The following SMAD3 variants were observed in gnomAD, a reference collection of about 807,000 sequenced individuals.
SMAD3 encodes SMAD family member 3.
In SMAD3, 12 loss-of-function variants were observed where a neutral mutation model predicts 51.8. That is an observed-to-expected ratio of 0.23 (90% CI 0.15 to 0.38). The LOEUF (loss-of-function observed/expected upper bound fraction) is 0.38. SMAD3 is among the 10% of genes least tolerant of loss of function. SMAD3 has a pLI of 1.00. For synonymous variants in SMAD3, 238 were observed against 227.7 expected, an observed-to-expected ratio of 1.05 and a Z score of -0.41; for missense variants, 294 against 565.6, an observed-to-expected ratio of 0.52 and a Z score of 4.87.
At chr15:67,130,023 C>T (rs901800900) in intron 1 of SMAD3, among the ~76,000 whole-genome samples, 4 of 152,178 alleles carry the variant, frequency 2.6e-5, no homozygotes, top group African/African-American at 4.8e-5. Context: ...AGTGAGGAGC[C>T]GGGTGGGACC....
intron 1 of SMAD3, among the ~76,000 whole-genome samples, chr15:67,089,058 C>G (rs1386536002): frequency 6.6e-6 from 1 of 152,106 alleles, no homozygotes; most frequent in East Asian, 1.9e-4. Flanking sequence ...CCACACAGTT[C>G]CAGGGAGACC....
At chr15:67,069,873 T>G (rs1031383782) in intron 1 of SMAD3, among the ~76,000 whole-genome samples, 7 of 152,020 alleles carry the variant, frequency 4.6e-5, no homozygotes, top group African/African-American at 1.4e-4. Flanking sequence ...GCCCAGCTAA[T>G]TTTTGTATTT....
intron 1 of SMAD3, among the ~76,000 whole-genome samples, chr15:67,073,854 A>G (rs1157253660): frequency 6.6e-6 from 1 of 152,058 alleles, no homozygotes; most frequent in Admixed American, 6.5e-5. Flanking sequence ...TTGTATTTTT[A>G]TCAGAGACCA....
chr15:67,181,895 C>T (rs1282631405), intron 6 of SMAD3, among the ~76,000 whole-genome samples: 1 of 151,846 alleles, frequency 6.6e-6, no homozygotes. Flanking sequence ...AAGCGATTCT[C>T]CTGCCTCAGC....
At chr15:67,122,122 A>G (rs1197114429) in intron 1 of SMAD3, among the ~76,000 whole-genome samples, 3 of 152,250 alleles carry the variant, frequency 2.0e-5, no homozygotes, top group Non-Finnish European at 4.4e-5. Flanking sequence ...TAAGGTCCGG[A>G]CATATGTCCC....
chr15:67,089,998 C>G (rs1429536005), intron 1 of SMAD3, among the ~76,000 whole-genome samples: 1 of 152,206 alleles, frequency 6.6e-6, no homozygotes, highest in Non-Finnish European at 1.5e-5. Flanking sequence ...GCCACACAGG[C>G]TCCTGCTTCC....
At chr15:67,152,930 G>C (rs1385486204) in intron 1 of SMAD3, among the ~76,000 whole-genome samples, 1 of 152,190 alleles carries the variant, frequency 6.6e-6, no homozygotes, top group Non-Finnish European at 1.5e-5. Flanking sequence ...CATGGGGGAA[G>C]GGAGGGGCTC....
intron 8 of SMAD3, among the ~76,000 whole-genome samples, chr15:67,188,899 T>C (rs1963291651): frequency 6.6e-6 from 1 of 152,238 alleles, no homozygotes; most frequent in African/African-American, 2.4e-5. Flanking sequence ...TTAGCTGCTG[T>C]TCTTCTGTGT....
chr15:67,187,612 T>C (rs1489012109), intron 8 of SMAD3, 103 bp downstream of exon 8: 21 of 1,436,868 alleles, frequency 1.5e-5, no homozygotes, highest in Non-Finnish European at 2.0e-5. Flanking sequence ...AGCCCTAGCG[T>C]CAAGAGCAGA....
chr15:67,149,856 G>T (rs1440877674), intron 1 of SMAD3, among the ~76,000 whole-genome samples: 1 of 152,176 alleles, frequency 6.6e-6, no homozygotes, highest in African/African-American at 2.4e-5. Flanking sequence ...GTTAGCAATT[G>T]CTGTCATGCA....
In SMAD3 at chr15:67,187,355, T is replaced by C. The variant is rs1179340088; in HGVS notation, c.1010-10T>C. Reference sequence around the variant, plus strand: ...CCATCCCCACAGCCCTGTTTCTGTGTTTTTGGCAGGATGCAACCTGAAGAT... The same window carrying C: ...CCATCCCCACAGCCCTGTTTCTGTGCTTTTGGCAGGATGCAACCTGAAGAT... On this transcript the variant is annotated splice_polypyrimidine_tract_variant and intron_variant, in intron 7 of 8. Transcript: ENST00000327367. 20 of 1,613,976 alleles carry C rather than the reference T, an allele frequency of 1.2e-5. No individual in the cohort carries two copies. Among genetic ancestry groups the C allele is most frequent in the Non-Finnish European group, 1.7e-5 (20 of 1,179,952 alleles).
intron 1 of SMAD3, among the ~76,000 whole-genome samples, chr15:67,096,044 G>T (rs1960608722): frequency 6.6e-6 from 1 of 152,172 alleles, no homozygotes; most frequent in Non-Finnish European, 1.5e-5. Flanking sequence ...AGTAGCAGGG[G>T]CCCTGACAGT....
At chr15:67,113,771 T>G (rs905502149) in intron 1 of SMAD3, among the ~76,000 whole-genome samples, 6 of 152,214 alleles carry the variant, frequency 3.9e-5, no homozygotes, top group African/African-American at 1.2e-4. Context: ...AACCTGAGCT[T>G]CTCACGCACA....
chr15:67,084,552 TA>T (rs1960348579), intron 1 of SMAD3, among the ~76,000 whole-genome samples: 2 of 152,240 alleles, frequency 1.3e-5, no homozygotes, highest in Admixed American at 1.3e-4. Context: ...CATTGTTGTT[TA>T]ATTCATCACA....
At chr15:67,187,099 C>T (rs992822874) in intron 7 of SMAD3, 32 of 636,144 alleles carry the variant, frequency 5.0e-5, no homozygotes, top group Non-Finnish European at 7.9e-5. Flanking sequence ...GGAGTCGGAG[C>T]TTGTGGGCCA....
intron 1 of SMAD3, among the ~76,000 whole-genome samples, chr15:67,103,438 T>C (rs1319653920): frequency 6.6e-6 from 1 of 152,182 alleles, no homozygotes; most frequent in African/African-American, 2.4e-5. Flanking sequence ...CAGAACACGA[T>C]GCAAACATGA....
At chr15:67,179,468 T>C (rs1962993573) in intron 5 of SMAD3, among the ~76,000 whole-genome samples, 1 of 152,054 alleles carries the variant, frequency 6.6e-6, no homozygotes, top group Non-Finnish European at 1.5e-5. Flanking sequence ...ATGTCAGTAG[T>C]GCTGAAGTTG....
chr15:67,186,954 C>T (rs1280283688), intron 7 of SMAD3: 5 of 417,270 alleles, frequency 1.2e-5, no homozygotes, highest in South Asian at 7.0e-5. Flanking sequence ...GTGACCAGAC[C>T]CCACACAGCA....
At chr15:67,098,821 G>A (rs1444958208) in intron 1 of SMAD3, 7 of 696,332 alleles carry the variant, frequency 1.0e-5, no homozygotes, top group Non-Finnish European at 1.6e-5. Flanking sequence ...GGGGTCTGAG[G>A]GCCCACTGTT....
Sources: gnomAD v4.1 joint callset for allele counts (sites outside exome capture counted in the v4.1 genomes callset) on GRCh38, gnomAD v4.1.1 for gene constraint, MANE v1.5 for transcripts, NCBI Gene and HGNC (gene_info 2026-07-23, HGNC 2026-07-21) for gene names.